KPNA1: variants seen among roughly 807,000 people sequenced by gnomAD.
KPNA1 encodes the protein karyopherin subunit alpha 1.
Under a neutral mutation model 70.5 loss-of-function variants are expected in KPNA1, and 10 were observed. The ratio of observed to expected loss-of-function variants is 0.14; its 90% CI spans 0.09 to 0.24. The LOEUF (loss-of-function observed/expected upper bound fraction) is 0.24, where lower values mean the gene tolerates loss of function less well. KPNA1 is among the 10% of genes least tolerant of loss of function. The pLI is 1.00. For synonymous variants in KPNA1, 192 were observed against 221.9 expected, an observed-to-expected ratio of 0.87 and a Z score of 1.20; for missense variants, 397 against 637.9, an observed-to-expected ratio of 0.62 and a Z score of 4.07.
At chr3:122,514,117 G>A (rs911458287) in intron 1 of KPNA1, among the ~76,000 whole-genome samples, 24 of 152,166 alleles carry the variant, frequency 1.6e-4, no homozygotes, top group African/African-American at 5.8e-4. Context: ...GCGGCGTGCA[G>A]ACCAAGTTCT....
intron 6 of KPNA1, among the ~76,000 whole-genome samples, chr3:122,453,513 GTTTT>G (rs113779707): frequency 0.22 from 33,913 of 151,278 alleles, 4,172 homozygotes; most frequent in Non-Finnish European, 0.27. Flanking sequence ...AAATTTTGTG[GTTTT>G]TTTTGTTTTT....
chr3:122,438,668 G>C (rs1470445806), intron 10 of KPNA1, among the ~76,000 whole-genome samples: 3 of 152,144 alleles, frequency 2.0e-5, no homozygotes, highest in Non-Finnish European at 2.9e-5. Flanking sequence ...TTACAGGCAG[G>C]AGCCACCACG....
At chr3:122,432,433 T>C (rs941702960) in intron 12 of KPNA1, 23 of 152,218 alleles carry the variant, frequency 1.5e-4, no homozygotes, top group African/African-American at 5.5e-4. Context: ...ATTTCTGTAC[T>C]TTGTTACTAT....
chr3:122,476,867 A>AAAAAAAAAAAAAAAAAAAC (rs2076504842), intron 2 of KPNA1, among the ~76,000 whole-genome samples: 2 of 149,272 alleles, frequency 1.3e-5, no homozygotes, highest in Non-Finnish European at 3.0e-5. Flanking sequence ...TCCACAAAAA[A>AAAAAAAAAAAAAAAAAAAC]AAAAAAAAAA....
intron 3 of KPNA1, among the ~76,000 whole-genome samples, chr3:122,467,046 A>G (rs2076388936): frequency 6.7e-6 from 1 of 149,640 alleles, no homozygotes; most frequent in African/African-American, 2.5e-5. Flanking sequence ...TAAATAAATA[A>G]ATAAATAAGG....
At chr3:122,513,679 C>A (rs1360677999) in intron 1 of KPNA1, among the ~76,000 whole-genome samples, 2 of 151,714 alleles carry the variant, frequency 1.3e-5, no homozygotes, top group African/African-American at 4.8e-5. Flanking sequence ...GAAATCACTT[C>A]ATCTACTAAT....
At position 122,424,371 on chromosome 3, in the gene KPNA1, TTC is replaced by T. The variant is rs2075794639; in HGVS notation, c.*2612_*2613del. 1 of 152,176 alleles carries T rather than the reference TTC, an allele frequency of 6.6e-6. No individual in the cohort carries two copies. Among genetic ancestry groups the T allele is most frequent in the African/African-American group, 2.4e-5 (1 of 41,454 alleles). The allele number at this position is 152,176 out of a possible 1,614,324, so 9.4% of individuals were successfully genotyped here. On this transcript the variant is annotated 3_prime_UTR_variant, in exon 14 of 14. Transcript: ENST00000344337. ...ATACAGTTACCCCTTAAAATGTCAT[TTC>T]TGTTACCAAAAAGCCTGCTTCAGTA...
At position 122,439,292 on chromosome 3, in the gene KPNA1, C is replaced by T. The variant is rs140783409; in HGVS notation, c.997-1997G>A. ...CAAACTCCTGGGTGCAAGCAATCCT[C>T]CTGCCTCAGCCTCCTGAGTAGAGTA... On this transcript the variant is annotated intron_variant, in intron 10 of 13. Coordinates refer to ENST00000344337, the MANE Select transcript of KPNA1 (RefSeq NM_002264.4). Among the ~76,000 whole-genome samples, 203 of 152,282 alleles carry T rather than the reference C, an allele frequency of 1.3e-3. 5 individuals carry two copies. In the East Asian group the frequency reaches 0.037, roughly 28 times the overall value.
intron 8 of KPNA1, among the ~76,000 whole-genome samples, chr3:122,451,295 T>C (rs947609296): frequency 6.6e-6 from 1 of 152,262 alleles, no homozygotes; most frequent in African/African-American, 2.4e-5. Context: ...TCTTCCTTCA[T>C]GCTATGCTTT....
At chr3:122,484,638 G>A (rs933439310) in intron 2 of KPNA1, among the ~76,000 whole-genome samples, 6 of 150,758 alleles carry the variant, frequency 4.0e-5, no homozygotes, top group Admixed American at 1.3e-4. Context: ...GTGAGACTCC[G>A]TCTCAAAAAA....
chr3:122,473,968 T>TA (rs1171331016), intron 2 of KPNA1, among the ~76,000 whole-genome samples: 1 of 151,996 alleles, frequency 6.6e-6, no homozygotes, highest in Non-Finnish European at 1.5e-5. Context: ...AAAGAATCAA[T>TA]AAAAAAACCT....
chr3:122,485,021 TTGAG>T lies in KPNA1; in HGVS notation c.129+11412_129+11415del, dbSNP rs139065806. 3.6e-3 allele frequency among the ~76,000 whole-genome samples: 554 copies of T among 152,264 alleles called. 2 individuals are homozygous for T. Among genetic ancestry groups the T allele is most frequent in the African/African-American group, 0.013 (534 of 41,546 alleles). ...CAAGCAATCCTTCTACCTCGGCCTC[TTGAG>T]TATCTGGGACTATAGGTGCATGCTA... On this transcript the variant is annotated intron_variant, in intron 2 of 13. Coordinates refer to ENST00000344337, the MANE Select transcript of KPNA1 (RefSeq NM_002264.4).
At chr3:122,456,303 T>A (rs947666462) in intron 5 of KPNA1, among the ~76,000 whole-genome samples, 1 of 151,990 alleles carries the variant, frequency 6.6e-6, no homozygotes, top group Non-Finnish European at 1.5e-5. Context: ...CAAAGTTCAA[T>A]AAACAGTCAT....
chr3:122,513,072 T>C (rs1267229872), intron 1 of KPNA1, among the ~76,000 whole-genome samples: 1 of 152,226 alleles, frequency 6.6e-6, no homozygotes, highest in East Asian at 1.9e-4. Context: ...TATTCGCTGA[T>C]TGAACGGATT....
chr3:122,512,956 T>C (rs1459000749), intron 1 of KPNA1, among the ~76,000 whole-genome samples: 1 of 152,222 alleles, frequency 6.6e-6, no homozygotes, highest in Admixed American at 6.5e-5. Flanking sequence ...GCAGTCAATA[T>C]TTGTAATATT....
At chr3:122,432,097 C>A (rs1452742835) in intron 12 of KPNA1, among the ~76,000 whole-genome samples, 1 of 152,118 alleles carries the variant, frequency 6.6e-6, no homozygotes, top group East Asian at 1.9e-4. Context: ...CCGCTGCACC[C>A]GGCCTGGCTT....
chr3:122,441,536 A>G (rs2076062059), intron 10 of KPNA1, among the ~76,000 whole-genome samples: 1 of 152,202 alleles, frequency 6.6e-6, no homozygotes, highest in Non-Finnish European at 1.5e-5. Flanking sequence ...GGACAACCCC[A>G]AACTACTACA....
At chr3:122,449,797 G>T in intron 8 of KPNA1, 60 bp from the exon 9 acceptor site, 1 of 1,423,294 alleles carries the variant, frequency 7.0e-7, no homozygotes, top group Non-Finnish European at 9.6e-7. Context: ...AGTGAGGTGA[G>T]ATACTCAAGA....
intron 1 of KPNA1, among the ~76,000 whole-genome samples, chr3:122,511,562 T>C (rs767947367): frequency 6.6e-6 from 1 of 152,218 alleles, no homozygotes; most frequent in South Asian, 2.1e-4. Flanking sequence ...TCTTCCAATG[T>C]ACAACCTCAA....
Sources: allele counts gnomAD v4.1 joint callset (sites outside exome capture counted in the v4.1 genomes callset), GRCh38; gene constraint gnomAD v4.1.1; transcripts MANE v1.5; gene names NCBI Gene and HGNC (gene_info 2026-07-23, HGNC 2026-07-21).